PHF14: variants seen among roughly 807,000 people sequenced by gnomAD.
PHF14 encodes PHD finger protein 14.
PHF14 carries 55 observed loss-of-function variants against 117.9 expected under a neutral mutation model. That is an observed-to-expected ratio of 0.47 (90% CI 0.38 to 0.58). PHF14 has a LOEUF of 0.58. PHF14 is among the 20% of genes least tolerant of loss of function. PHF14 has a pLI of 0.00. For missense variants in PHF14, 978 were observed against 1,122.2 expected, an observed-to-expected ratio of 0.87 and a Z score of 1.84; for synonymous variants, 409 against 368.6, an observed-to-expected ratio of 1.11 and a Z score of -1.26.
chr7:11,016,209 T>C (rs942312050), intron 5 of PHF14, among the ~76,000 whole-genome samples: 1 of 152,186 alleles, frequency 6.6e-6, no homozygotes, highest in African/African-American at 2.4e-5. Context: ...TGTCTACACT[T>C]ACCTGTAGGC....
At chr7:10,993,194 G>A (rs775295941) in intron 4 of PHF14, among the ~76,000 whole-genome samples, 14 of 151,932 alleles carry the variant, frequency 9.2e-5, no homozygotes, top group Non-Finnish European at 1.6e-4. Flanking sequence ...CTGTGGTAAA[G>A]TTATTTTTTC....
In PHF14 at chr7:11,155,773, G is replaced by GT. The variant is rs369861089; in HGVS notation, c.2773-13634dup. ...GTCTTATATACAATGTTTTTTTTTT[G>GT]TTTTTTTTTAGCAACTAGCACAGTG... On this transcript the variant is annotated intron_variant, in intron 17 of 17. Coordinates refer to ENST00000634607, the MANE Select transcript of PHF14 (RefSeq NM_001007157.2). 1.7e-3 allele frequency among the ~76,000 whole-genome samples: 254 copies of GT among 147,466 alleles called. 1 individual carries two copies. Among genetic ancestry groups the GT allele is most frequent in the Middle Eastern group, 6.9e-3 (2 of 290 alleles).
At chr7:11,100,915 A>C (rs1381075660) in intron 16 of PHF14, among the ~76,000 whole-genome samples, 1 of 151,982 alleles carries the variant, frequency 6.6e-6, no homozygotes, top group Non-Finnish European at 1.5e-5. Flanking sequence ...TTAACAGGCA[A>C]TTCTAACTAT....
chr7:11,085,918 G>T (rs1786388969), intron 16 of PHF14, among the ~76,000 whole-genome samples: 1 of 151,882 alleles, frequency 6.6e-6, no homozygotes. Flanking sequence ...TTAAATGCTT[G>T]AATTCTGGAG....
At chr7:11,107,789 A>C (rs1267353636) in intron 16 of PHF14, 3 of 861,584 alleles carry the variant, frequency 3.5e-6, no homozygotes, top group Admixed American at 6.3e-5. Context: ...AAAGTTTTTT[A>C]AAACATTTTA....
intron 16 of PHF14, chr7:11,071,156 T>G: frequency 2.5e-6 from 1 of 401,004 alleles, no homozygotes; most frequent in African/African-American, 2.0e-5. Flanking sequence ...GCAAGTCACT[T>G]AATCTCTTTC....
intron 14 of PHF14, among the ~76,000 whole-genome samples, chr7:11,052,774 C>G (rs1244238104): frequency 6.6e-6 from 1 of 152,100 alleles, no homozygotes; most frequent in Non-Finnish European, 1.5e-5. Context: ...AATGTGTATG[C>G]AAGCCTTTCA....
At chr7:11,153,473 T>G (rs557453347) in intron 17 of PHF14, among the ~76,000 whole-genome samples, 84 of 152,194 alleles carry the variant, frequency 5.5e-4, no homozygotes, top group Admixed American at 1.4e-3. Flanking sequence ...ATTAAAAAGT[T>G]TATTGGAGAC....
chr7:11,149,030 G>C (rs922832219), intron 17 of PHF14, among the ~76,000 whole-genome samples: 3 of 146,270 alleles, frequency 2.1e-5, no homozygotes, highest in African/African-American at 7.6e-5. Flanking sequence ...GTTTTGTTTT[G>C]TTTTCATTTT....
rs375934934 is a variant in PHF14 at position 11,160,671 on chromosome 7, C to T, written c.2773-8745C>T. On this transcript the variant is annotated intron_variant, in intron 17 of 17. Transcript: ENST00000634607. ...TGATTTGCATTTCGCTGACAATTAGCGATGTTGAGCATTTTTTCATATGTT... is the reference window on the plus strand; with the variant it reads ...TGATTTGCATTTCGCTGACAATTAGTGATGTTGAGCATTTTTTCATATGTT... Among the ~76,000 whole-genome samples the T allele has an allele frequency of 3.9e-5, 6 of 152,146 alleles. No homozygotes were observed. In the East Asian group the frequency reaches 5.8e-4, roughly 15 times the overall value.
intron 14 of PHF14, among the ~76,000 whole-genome samples, chr7:11,058,055 A>G (rs1442744733): frequency 6.6e-6 from 1 of 152,212 alleles, no homozygotes; most frequent in Non-Finnish European, 1.5e-5. Flanking sequence ...TCTAAAGCAC[A>G]TTCTTGAAAA....
intron 16 of PHF14, among the ~76,000 whole-genome samples, chr7:11,100,309 G>A (rs978462709): frequency 2.6e-5 from 4 of 151,858 alleles, no homozygotes; most frequent in African/African-American, 7.2e-5. Flanking sequence ...TTTGGCCTGG[G>A]AATTATAGTA....
At chr7:11,139,603 A>G (rs1788342639) in intron 17 of PHF14, among the ~76,000 whole-genome samples, 1 of 152,184 alleles carries the variant, frequency 6.6e-6, no homozygotes, top group Admixed American at 6.5e-5. Context: ...AAGTTGTACT[A>G]TATTTAAATG....
chr7:11,148,922 T>A (rs1378965120), intron 17 of PHF14, among the ~76,000 whole-genome samples: 1 of 152,226 alleles, frequency 6.6e-6, no homozygotes, highest in African/African-American at 2.4e-5. Context: ...ACATCTACTT[T>A]TATTGTGTTA....
intron 17 of PHF14, among the ~76,000 whole-genome samples, chr7:11,134,567 AT>A (rs1157667263): frequency 6.6e-6 from 1 of 152,024 alleles, no homozygotes; most frequent in African/African-American, 2.4e-5. Flanking sequence ...TATTTTACAG[AT>A]GAGGAAAGTG....
At chr7:10,984,505 T>C (rs1782149154) in intron 3 of PHF14, among the ~76,000 whole-genome samples, 1 of 152,134 alleles carries the variant, frequency 6.6e-6, no homozygotes, top group Non-Finnish European at 1.5e-5. Context: ...AAAAATCTAA[T>C]TGTTTGTATT....
chr7:11,098,666 G>A (rs993880015), intron 16 of PHF14, among the ~76,000 whole-genome samples: 2 of 152,070 alleles, frequency 1.3e-5, no homozygotes, highest in Non-Finnish European at 2.9e-5. Context: ...CACTGCACCC[G>A]GCTGTTCTTT....
chr7:11,066,064 A>G (rs1223919687), intron 16 of PHF14, among the ~76,000 whole-genome samples: 9 of 152,128 alleles, frequency 5.9e-5, no homozygotes, highest in Admixed American at 5.9e-4. Context: ...TAGGTATTGA[A>G]CCATTTTGAT....
intron 16 of PHF14, among the ~76,000 whole-genome samples, chr7:11,065,463 A>T (rs1785392432): frequency 6.6e-6 from 1 of 152,130 alleles, no homozygotes; most frequent in Non-Finnish European, 1.5e-5. Flanking sequence ...ATGACTGAGT[A>T]TTCTTTTGCT....
Sources: gnomAD v4.1 joint callset for allele counts (sites outside exome capture counted in the v4.1 genomes callset) on GRCh38, gnomAD v4.1.1 for gene constraint, MANE v1.5 for transcripts, NCBI Gene and HGNC (gene_info 2026-07-23, HGNC 2026-07-21) for gene names.